The following KTN1 variants were observed in gnomAD, a reference collection of about 807,000 sequenced individuals.
KTN1 encodes the protein kinectin 1.
KTN1 carries 130 observed loss-of-function variants against 222.5 expected under a neutral mutation model. The ratio of observed to expected loss-of-function variants is 0.58; its 90% CI spans 0.51 to 0.68. KTN1 has a LOEUF of 0.68. KTN1 is among the 30% of genes least tolerant of loss of function. KTN1 has a pLI of 0.00. For missense variants in KTN1, 1,508 were observed against 1,500.4 expected (o/e 1.01, Z -0.08); for synonymous variants, 512 against 496.3 (o/e 1.03, Z -0.42).
At chr14:55,628,049 G>A (rs192725926) in intron 6 of KTN1, 21 bp downstream of exon 6, 8 of 1,402,978 alleles carry the variant, frequency 5.7e-6, no homozygotes, top group African/African-American at 4.3e-5. Flanking sequence ...TCTTATGTAC[G>A]AGGGATATAC....
chr14:55,652,950 T>TA lies in KTN1; in HGVS notation c.2694+15dup. 6.3e-7 allele frequency: 1 copy of TA among 1,598,668 alleles called. No homozygotes were observed. Among genetic ancestry groups the TA allele is most frequent in the Non-Finnish European group, 8.6e-7 (1 of 1,168,932 alleles). ...AGGGAAGTGGTTACAGGTGAGAAAT[T>TA]AAAAACAATAAAAAATAGCCTTTTT... On this transcript the variant is annotated intron_variant, in intron 26 of 43. Transcript: ENST00000395314.
At chr14:55,626,880 T>TTC (rs2039901136) in intron 5 of KTN1, among the ~76,000 whole-genome samples, 1 of 151,986 alleles carries the variant, frequency 6.6e-6, no homozygotes, top group East Asian at 1.9e-4. Context: ...TTTTTTCTTT[T>TTC]CCTTCTTGAG....
rs750078999 is a variant in KTN1, at chr14:55,667,369, A to G, written c.3267+39A>G. 34 of 1,253,060 alleles carry G rather than the reference A, an allele frequency of 2.7e-5. No homozygotes were observed. The South Asian group carries it at 3.9e-4, about 14-fold the overall frequency. 77.6% of individuals were successfully genotyped at this position (1,253,060 alleles called of 1,614,324 possible). On this transcript the variant is annotated intron_variant, in intron 34 of 43. Coordinates refer to ENST00000395314, the MANE Select transcript of KTN1 (RefSeq NM_001079521.2). Reference sequence around the variant, plus strand: ...ATTATTTTTTTAACATGATGACATTATTCAAGAAAGGTGTGAATAAGCAAC... The same window carrying G: ...ATTATTTTTTTAACATGATGACATTGTTCAAGAAAGGTGTGAATAAGCAAC...
intron 20 of KTN1, among the ~76,000 whole-genome samples, 180 bp downstream of exon 20, chr14:55,648,295 G>T (rs568629876): frequency 2.0e-5 from 3 of 152,124 alleles, no homozygotes; most frequent in African/African-American, 7.2e-5. Flanking sequence ...GCATAACATT[G>T]ACTGCCTTAA....
At position 55,651,924 on chromosome 14, in the gene KTN1, A is replaced by G. The variant is rs185114882; in HGVS notation, c.2600A>G (p.Asn867Ser). Residue 867 changes from asparagine (N) to serine (S), a missense_variant, in exon 25 of 44, where the codon AAC (asparagine) becomes AGC (serine). Physicochemically the swap from Asn to Ser is conservative, Grantham distance 46 (BLOSUM62 1). Coordinates refer to ENST00000395314, the MANE Select transcript of KTN1 (RefSeq NM_001079521.2). ...ACTTCCAAAGTTCAGGAGCTTCAGAACTTGTAAGTACCATTTATCTCATTT... is the reference window on the plus strand; with the variant it reads ...ACTTCCAAAGTTCAGGAGCTTCAGAGCTTGTAAGTACCATTTATCTCATTT... ...SITSKVQELQ[N>S]LLKGKEEQMN... is the part of the protein sequence containing the mutation. 3.9e-5 allele frequency: 60 copies of G among 1,555,246 alleles called. No homozygotes were observed. The East Asian group carries it at 1.2e-3, about 30-fold the overall frequency.
In KTN1 at chr14:55,671,622, G is replaced by T; in HGVS notation, c.3405G>T (p.Glu1135Asp). The T allele has an allele frequency of 1.9e-6, 3 of 1,612,976 alleles. No individual in the cohort carries two copies. Among genetic ancestry groups the T allele is most frequent in the East Asian group, 2.2e-5 (1 of 44,820 alleles). The change falls in exon 36 of 44, where the codon GAG (glutamate) becomes GAT (aspartate). Residue 1135 changes from glutamate (E) to aspartate (D), a missense_variant. Transcript: ENST00000395314. ...AAATGCACACATTGTTACAGCTAGA[G>T]TGTGAAAAATACAAATCCGTCCTTG... ...ADEMHTLLQL[E>D]CEKYKSVLAE...
rs752354703 is a variant in KTN1, at chr14:55,678,444, G to A, written c.3948G>A (p.Thr1316=). The A allele has an allele frequency of 2.8e-5, 45 of 1,587,204 alleles. No homozygotes were observed. In the South Asian group the frequency reaches 2.9e-4, roughly 10 times the overall value. The change falls in exon 42 of 44, where the codon ACG becomes ACA. Residue 1316 remains threonine (T), a splice_region_variant and synonymous_variant. Transcript: ENST00000395314. ...VIENSDVSPE[T]ESSEKETMSV... is the part of the protein sequence containing the mutation. ...AAAATAGTGATGTTTCCCCAGAAAC[G>A]GTATGTATTTTCTTCATCCCCAGAT...
At chr14:55,598,691 T>A (rs564413150) in intron 1 of KTN1, among the ~76,000 whole-genome samples, 3 of 152,362 alleles carry the variant, frequency 2.0e-5, no homozygotes, top group African/African-American at 7.2e-5. Flanking sequence ...TCATTGTTTC[T>A]ATGGAGATTT....
intron 40 of KTN1, chr14:55,674,737 C>T (rs2045750470): frequency 6.6e-6 from 1 of 152,108 alleles, no homozygotes; most frequent in African/African-American, 2.4e-5. Context: ...TTTTTTATCC[C>T]TCTACTTCTG....
rs201921929 is a variant in KTN1, at chr14:55,650,595, A to G, written c.2523A>G (p.Leu841=). ...ATTTGAAACAGGAAATAAAGGCTCTAAAAGAAGAAATAGGAAATGTCCAGC... is the reference window on the plus strand; with the variant it reads ...ATTTGAAACAGGAAATAAAGGCTCTGAAAGAAGAAATAGGAAATGTCCAGC... The part of the protein sequence containing the change: ...VQDLKQEIKA[L]KEEIGNVQLE... Residue 841 remains leucine, a synonymous_variant, in exon 24 of 44, where the codon CTA becomes CTG. Transcript: ENST00000395314. 186 of 1,612,588 alleles carry G rather than the reference A, an allele frequency of 1.2e-4. No individual in the cohort carries two copies. The highest frequency in any genetic ancestry group is 2.2e-5 in the South Asian group (2 of 91,014).
At chr14:55,592,693 G>A (rs1272179783) in intron 1 of KTN1, among the ~76,000 whole-genome samples, 1 of 152,166 alleles carries the variant, frequency 6.6e-6, no homozygotes, top group Non-Finnish European at 1.5e-5. Context: ...GACATCCTAA[G>A]TGTTTTGTAA....
chr14:55,590,841 A>G (rs746618663), intron 1 of KTN1, among the ~76,000 whole-genome samples: 1 of 151,878 alleles, frequency 6.6e-6, no homozygotes, highest in Non-Finnish European at 1.5e-5. Flanking sequence ...ACGTCCAGCT[A>G]ATTTTTATAT....
Position 55,640,959 on chromosome 14 carries a change from G to C in KTN1, c.2010G>C (p.Lys670Asn). The C allele has an allele frequency of 6.2e-7, 1 of 1,611,540 alleles. No individual in the cohort carries two copies. Among genetic ancestry groups the C allele is most frequent in the Non-Finnish European group, 8.5e-7 (1 of 1,178,176 alleles). The change falls in exon 16 of 44, where the codon AAG becomes AAC. Residue 670 changes from lysine (K) to asparagine (N), a missense_variant. Lys to Asn is a moderately conservative substitution (Grantham distance 94). Transcript: ENST00000395314. ...EQAAAAHELE[K>N]MQQSVYVKDD... Reference sequence around the variant, plus strand: ...CTGCTGCTGCACATGAATTGGAGAAGATGCAACAAAGGTGACTAAAGTATT... The same window carrying C: ...CTGCTGCTGCACATGAATTGGAGAACATGCAACAAAGGTGACTAAAGTATT...
chr14:55,619,153 CTT>C (rs770561995), intron 4 of KTN1, 27 bp from the exon 5 acceptor site: 8 of 1,573,794 alleles, frequency 5.1e-6, no homozygotes, highest in Non-Finnish European at 5.2e-6. Context: ...AATGCCAACT[CTT>C]TGTTTGTTTG....
At chr14:55,627,688 C>G (rs1255983613) in intron 5 of KTN1, among the ~76,000 whole-genome samples, 3 of 152,138 alleles carry the variant, frequency 2.0e-5, no homozygotes, top group African/African-American at 7.2e-5. Context: ...TTGTTCAACT[C>G]CCACTTATGA....
At position 55,630,095 on chromosome 14, in the gene KTN1, A is replaced by C. The variant is rs2040344314; in HGVS notation, c.1219A>C (p.Lys407Gln). ...SYQETQQMQM[K>Q]FQQVREQMEA... ...TCAAGAGACTCAACAGATGCAGATG[A>C]AGGTATATTTTCATTCTTTGGAAAC... Residue 407 changes from lysine (K) to glutamine (Q), a missense_variant and splice_region_variant, in exon 7 of 44, where the codon AAG becomes CAG. By Grantham distance (53) the Lys-to-Gln change is moderately conservative (BLOSUM62 1). Coordinates refer to ENST00000395314, the MANE Select transcript of KTN1 (RefSeq NM_001079521.2). The C allele has an allele frequency of 2.5e-6, 4 of 1,609,796 alleles. No homozygotes were observed. The highest frequency in any genetic ancestry group is 1.3e-5 in the African/African-American group (1 of 74,822).
At chr14:55,675,437 G>T in intron 40 of KTN1, 1 of 159,480 alleles carries the variant, frequency 6.3e-6, no homozygotes, top group Non-Finnish European at 1.4e-5. Context: ...TAAAAATATT[G>T]TATAATTGAC....
At chr14:55,662,169 C>T (rs750777636) in intron 32 of KTN1, among the ~76,000 whole-genome samples, 2 of 150,808 alleles carry the variant, frequency 1.3e-5, no homozygotes, top group Non-Finnish European at 1.5e-5. Flanking sequence ...TGGGTTCAGG[C>T]GATTCTCCTG....
chr14:55,648,908 T>G (rs753909946), intron 21 of KTN1, 38 bp downstream of exon 21: 2 of 1,351,526 alleles, frequency 1.5e-6, no homozygotes, highest in African/African-American at 2.9e-5. Context: ...TGTCTCTGTG[T>G]TTTTTGTTTG....
Sources: gnomAD v4.1 joint callset for allele counts (sites outside exome capture counted in the v4.1 genomes callset) on GRCh38, gnomAD v4.1.1 for gene constraint, MANE v1.5 for transcripts, NCBI Gene and HGNC (gene_info 2026-07-23, HGNC 2026-07-21) for gene names.